RANBP17: variants seen among roughly 807,000 people sequenced by gnomAD.
RANBP17 encodes the protein RAN binding protein 17.
RANBP17 carries 158 observed loss-of-function variants against 141.2 expected under a neutral mutation model. That is an observed-to-expected ratio of 1.12 (90% CI 0.98 to 1.28). The LOEUF (loss-of-function observed/expected upper bound fraction) is 1.28, where lower values mean the gene tolerates loss of function less well. RANBP17 is among the 50% of genes most tolerant of loss of function. The pLI is 0.00. For missense variants in RANBP17, 1,438 were observed against 1,290.7 expected (o/e 1.11, Z -1.75); for synonymous variants, 430 against 450.0 (o/e 0.96, Z 0.56).
intron 18 of RANBP17, among the ~76,000 whole-genome samples, chr5:171,184,810 G>A (rs747840192): frequency 2.0e-5 from 3 of 152,122 alleles, no homozygotes; most frequent in East Asian, 1.9e-4. Flanking sequence ...TTACTGTACT[G>A]TAGTCTATTA....
chr5:171,028,919 C>T (rs889417776), intron 14 of RANBP17: 8 of 1,288,534 alleles, frequency 6.2e-6, no homozygotes, highest in African/African-American at 6.1e-5. Flanking sequence ...CTATCCAACT[C>T]GGGTTTCTTC....
intron 18 of RANBP17, among the ~76,000 whole-genome samples, chr5:171,196,513 G>A (rs1314453258): frequency 6.6e-6 from 1 of 152,124 alleles, no homozygotes; most frequent in African/African-American, 2.4e-5. Context: ...AGGGCACTGG[G>A]CTGGCAATCT....
At chr5:171,260,161 G>A (rs973550323) in intron 24 of RANBP17, among the ~76,000 whole-genome samples, 30 of 151,582 alleles carry the variant, frequency 2.0e-4, no homozygotes, top group African/African-American at 3.1e-4. Flanking sequence ...TTAGCCGGGC[G>A]TGGTGGCAGG....
chr5:170,885,344 A>T (rs1408702718), intron 3 of RANBP17, among the ~76,000 whole-genome samples: 1 of 152,174 alleles, frequency 6.6e-6, no homozygotes, highest in Non-Finnish European at 1.5e-5. Context: ...TTTTGGGGTA[A>T]TATCATCCAT....
At chr5:171,044,089 A>C (rs757250291) in intron 14 of RANBP17, among the ~76,000 whole-genome samples, 1 of 152,172 alleles carries the variant, frequency 6.6e-6, no homozygotes, top group Non-Finnish European at 1.5e-5. Context: ...AGAACTAGAA[A>C]TCAATCCTGT....
chr5:171,010,355 A>G (rs1164012725), intron 14 of RANBP17, among the ~76,000 whole-genome samples: 4 of 152,204 alleles, frequency 2.6e-5, no homozygotes, highest in Non-Finnish European at 5.9e-5. Flanking sequence ...CGATAAAACC[A>G]AAGCCAAACT....
rs1776736843 is a variant in RANBP17, at chr5:170,968,309, G to T, written c.1642G>T (p.Ala548Ser). 6.2e-7 allele frequency: 1 copy of T among 1,609,024 alleles called. No homozygotes were observed. Among genetic ancestry groups the T allele is most frequent in the African/African-American group, 1.3e-5 (1 of 74,672 alleles). The change falls in exon 14 of 28, where the codon GCA (alanine) becomes TCA (serine). Residue 548 changes from alanine (A) to serine (S), a missense_variant. Ala to Ser is a moderately conservative substitution (Grantham distance 99, BLOSUM62 1). Transcript: ENST00000523189. Reference protein sequence around the residue: ...PRCCNEKIELAILWFLDQFRK... With the variant: ...PRCCNEKIELSILWFLDQFRK... The stretch of plus-strand genomic sequence containing the variant: ...ATGTTGTAATGAGAAAATAGAGCTT[G>T]CAATTCTGTGGTTCTTGGATCAGTT...
intron 14 of RANBP17, among the ~76,000 whole-genome samples, chr5:171,166,124 C>G (rs1254663000): frequency 6.6e-6 from 1 of 152,112 alleles, no homozygotes; most frequent in East Asian, 1.9e-4. Context: ...CATTTCTGCT[C>G]TCAGGGAGCT....
intron 25 of RANBP17, among the ~76,000 whole-genome samples, chr5:171,285,060 A>G (rs962078576): frequency 1.3e-5 from 2 of 152,320 alleles, no homozygotes; most frequent in Middle Eastern, 6.8e-3. Flanking sequence ...GTCTTTTTCA[A>G]AAACCTCCTG....
intron 3 of RANBP17, among the ~76,000 whole-genome samples, chr5:170,882,401 TAAAC>T (rs377222232): frequency 7.9e-5 from 12 of 152,328 alleles, no homozygotes; most frequent in African/African-American, 2.9e-4. Context: ...TATTTAATGA[TAAAC>T]AATAACTAGC....
At chr5:170,969,648 T>G (rs1776846506) in intron 14 of RANBP17, among the ~76,000 whole-genome samples, 3 of 151,950 alleles carry the variant, frequency 2.0e-5, no homozygotes, top group Admixed American at 2.0e-4. Flanking sequence ...AAAATCCTTC[T>G]AAGTGTTGTT....
In RANBP17 at chr5:171,241,091, A is replaced by G. The variant is rs532793221; in HGVS notation, c.2586A>G (p.Val862=). The G allele has an allele frequency of 4.5e-5, 72 of 1,613,642 alleles. No individual in the cohort carries two copies. In the South Asian group the frequency reaches 7.8e-4, roughly 17 times the overall value. The change falls in exon 23 of 28, where the codon GTA becomes GTG. Residue 862 remains valine, a synonymous_variant. Transcript: ENST00000523189. ...KLYGDNHFDN[V]LQAFVKMLLS... ...ATGGGGACAACCATTTTGACAATGT[A>G]CTCCAGGCTTTTGTCAAAATGCTGC...
intron 22 of RANBP17, among the ~76,000 whole-genome samples, chr5:171,225,725 T>C (rs758861995): frequency 1.3e-5 from 2 of 152,216 alleles, no homozygotes; most frequent in Non-Finnish European, 2.9e-5. Context: ...ATCAGGGCGG[T>C]GCAGAGAGGG....
intron 14 of RANBP17, among the ~76,000 whole-genome samples, chr5:171,155,403 C>T (rs1758829415): frequency 1.3e-5 from 2 of 151,660 alleles, no homozygotes; most frequent in African/African-American, 4.8e-5. Context: ...ATATCAACTA[C>T]AGTGTGGGAA....
At chr5:170,897,015 C>T (rs527654854) in intron 5 of RANBP17, 53 of 1,103,242 alleles carry the variant, frequency 4.8e-5, no homozygotes, top group Non-Finnish European at 5.8e-5. Context: ...GGGAGCACGC[C>T]GCGGTCAGCC....
chr5:171,212,305 G>A (rs1762946274), intron 20 of RANBP17, among the ~76,000 whole-genome samples: 1 of 152,172 alleles, frequency 6.6e-6, no homozygotes, highest in South Asian at 2.1e-4. Flanking sequence ...AGAGAGATAT[G>A]GTCATGAGTG....
intron 14 of RANBP17, among the ~76,000 whole-genome samples, chr5:171,076,301 G>T (rs1561625705): frequency 6.6e-6 from 1 of 152,170 alleles, no homozygotes; most frequent in Non-Finnish European, 1.5e-5. Flanking sequence ...GGGATTTTGG[G>T]TTCTGGAGAA....
intron 14 of RANBP17, among the ~76,000 whole-genome samples, chr5:171,075,501 G>C (rs1270742891): frequency 6.6e-6 from 1 of 152,160 alleles, no homozygotes; most frequent in African/African-American, 2.4e-5. Flanking sequence ...GCAATTCTAA[G>C]GAACAGAAAG....
chr5:170,916,682 G>T, intron 9 of RANBP17, 98 bp downstream of exon 9: 61 of 670,154 alleles, frequency 9.1e-5, no homozygotes, highest in Middle Eastern at 5.4e-4. Context: ...GATTCTGGAA[G>T]AAAACATTTA....
Sources: allele counts gnomAD v4.1 joint callset (sites outside exome capture counted in the v4.1 genomes callset), GRCh38; gene constraint gnomAD v4.1.1; transcripts MANE v1.5; gene names NCBI Gene and HGNC (gene_info 2026-07-23, HGNC 2026-07-21).